The following STK32B variants were observed in gnomAD, a reference collection of about 807,000 sequenced individuals.
STK32B encodes serine/threonine-protein kinase 32B.
Under a neutral mutation model 52.6 loss-of-function variants are expected in STK32B, and 43 were observed. The observed-to-expected ratio is 0.82, with a 90% CI of 0.64 to 1.05. The LOEUF (loss-of-function observed/expected upper bound fraction) is 1.05, where lower values mean the gene tolerates loss of function less well. Among genes scored for constraint, STK32B ranks in the 50% least tolerant of loss-of-function variants. The pLI is 0.00. For synonymous variants in STK32B, 238 were observed against 204.3 expected, an observed-to-expected ratio of 1.17 and a Z score of -1.41; for missense variants, 621 against 534.6, an observed-to-expected ratio of 1.16 and a Z score of -1.59.
intron 3 of STK32B, among the ~76,000 whole-genome samples, chr4:5,319,468 C>T (rs1364928697): frequency 6.6e-6 from 1 of 152,172 alleles, no homozygotes; most frequent in Non-Finnish European, 1.5e-5. Flanking sequence ...TCCTCAGTGG[C>T]TTCCCCTTGT....
chr4:5,208,524 G>A (rs557274669), intron 3 of STK32B, among the ~76,000 whole-genome samples: 2 of 152,122 alleles, frequency 1.3e-5, no homozygotes, highest in African/African-American at 4.8e-5. Context: ...CAATTTCAGG[G>A]CAGAAAACTT....
At chr4:5,495,368 T>C (rs977419399) in intron 11 of STK32B, among the ~76,000 whole-genome samples, 1 of 152,198 alleles carries the variant, frequency 6.6e-6, no homozygotes, top group African/African-American at 2.4e-5. Flanking sequence ...TTGATCTCAT[T>C]GGCTCCTGAG....
At chr4:5,303,050 A>G (rs1275968889) in intron 3 of STK32B, among the ~76,000 whole-genome samples, 1 of 151,652 alleles carries the variant, frequency 6.6e-6, no homozygotes, top group Non-Finnish European at 1.5e-5. Context: ...ATATGTATGT[A>G]TGTATATCAC....
At chr4:5,253,142 C>T (rs1308784098) in intron 3 of STK32B, among the ~76,000 whole-genome samples, 1 of 152,032 alleles carries the variant, frequency 6.6e-6, no homozygotes, top group Non-Finnish European at 1.5e-5. Flanking sequence ...CTCTGGGAAG[C>T]CCTCCAGGAG....
chr4:5,259,530 A>G (rs973510930), intron 3 of STK32B, among the ~76,000 whole-genome samples: 5 of 152,212 alleles, frequency 3.3e-5, no homozygotes, highest in Non-Finnish European at 7.3e-5. Context: ...CTCTTTATAA[A>G]GCAGAGAGAA....
the STK32B span, among the ~76,000 whole-genome samples, chr4:5,035,393 C>T: frequency 1.3e-5 from 2 of 152,160 alleles, no homozygotes; most frequent in Non-Finnish European, 2.9e-5. Context: ...ATAGTAATTG[C>T]TCAGTGAGTG....
intron 11 of STK32B, among the ~76,000 whole-genome samples, chr4:5,480,169 TGTGTC>T (rs1163174886): frequency 1.3e-5 from 2 of 152,226 alleles, no homozygotes; most frequent in Non-Finnish European, 2.9e-5. Context: ...AATTAAGTAT[TGTGTC>T]AGACATTATC....
chr4:5,311,021 G>A (rs1730258033), intron 3 of STK32B, among the ~76,000 whole-genome samples: 1 of 152,076 alleles, frequency 6.6e-6, no homozygotes, highest in Non-Finnish European at 1.5e-5. Flanking sequence ...GTAAAACAGT[G>A]GTTACTAATG....
Position 5,261,222 on chromosome 4 carries a change from G to C in STK32B, c.261-69998G>C, listed in dbSNP as rs553370864. 2.6e-5 allele frequency among the ~76,000 whole-genome samples: 4 copies of C among 152,236 alleles called. No homozygotes were observed. In the East Asian group the frequency reaches 7.7e-4, roughly 29 times the overall value. On this transcript the variant is annotated intron_variant, in intron 3 of 11. Transcript: ENST00000282908. ...GAAGGTGGCTGCTCATTAAGGCTTC[G>C]TGCACCAATTATGAGGCTTGCAACT...
rs1252268289 is a variant in STK32B, at chr4:5,445,951, G to A, written c.563-722G>A. 2.8e-3 allele frequency among the ~76,000 whole-genome samples: 3 copies of A among 1,058 alleles called. No individual in the cohort carries two copies. In the East Asian group the frequency reaches 0.5, roughly 176 times the overall value. 0.7% of individuals were successfully genotyped at this position (1,058 alleles called of 152,430 possible). A position where few individuals can be genotyped will look rare whatever the true frequency, so the allele number is the denominator to read the frequency against. On this transcript the variant is annotated intron_variant, in intron 6 of 11. Transcript: ENST00000282908. ...ATAGTTGTCCCTGAGATAGGCCCCA[G>A]GCACAGAGCTCTAAGTGTCCATTTC... is the stretch of plus-strand genomic sequence containing the variant.
chr4:5,077,990 G>A (rs1712182528), intron 1 of STK32B, among the ~76,000 whole-genome samples: 1 of 152,140 alleles, frequency 6.6e-6, no homozygotes, highest in Admixed American at 6.6e-5. Flanking sequence ...GGTTCTTTCT[G>A]TCCTGCTGCA....
intron 1 of STK32B, among the ~76,000 whole-genome samples, chr4:5,134,505 G>T (rs1715956187): frequency 1.3e-5 from 2 of 152,076 alleles, no homozygotes; most frequent in African/African-American, 4.8e-5. Context: ...TTAGCCTCCA[G>T]AACTGTGAAA....
At chr4:5,357,018 T>TACAC (rs754199241) in intron 4 of STK32B, among the ~76,000 whole-genome samples, 58 of 150,490 alleles carry the variant, frequency 3.9e-4, no homozygotes, top group East Asian at 1.8e-3. Flanking sequence ...TATATATATA[T>TACAC]ATATACACAC....
intron 11 of STK32B, among the ~76,000 whole-genome samples, chr4:5,490,854 G>A (rs1295759242): frequency 6.6e-6 from 1 of 152,152 alleles, no homozygotes; most frequent in Non-Finnish European, 1.5e-5. Flanking sequence ...ATAGTTTACT[G>A]AGAATGATGA....
chr4:5,184,183 T>G (rs1241060794), intron 3 of STK32B, among the ~76,000 whole-genome samples: 1 of 152,158 alleles, frequency 6.6e-6, no homozygotes, highest in Non-Finnish European at 1.5e-5. Flanking sequence ...GGCTTTTGAT[T>G]TAAATTGAGA....
In STK32B at chr4:5,460,711, G is replaced by T. The variant is rs1169553815; in HGVS notation, c.909+483G>T. Reference sequence around the variant, plus strand: ...TAAAGTGAGGGAACCAGGACTGCAGGGATGGGCACTGAGCCTTCCAGGCAA... The same window carrying T: ...TAAAGTGAGGGAACCAGGACTGCAGTGATGGGCACTGAGCCTTCCAGGCAA... On this transcript the variant is annotated intron_variant, in intron 9 of 11. Coordinates refer to ENST00000282908, the MANE Select transcript of STK32B (RefSeq NM_018401.3). The surrounding 1 kb of genome is among the most constrained non-coding windows in gnomAD (Gnocchi z 4.8). Among the ~76,000 whole-genome samples, 4 of 152,204 alleles carry T rather than the reference G, an allele frequency of 2.6e-5. No individual in the cohort carries two copies. Among genetic ancestry groups the T allele is most frequent in the Non-Finnish European group, 4.4e-5 (3 of 68,046 alleles).
rs1414963489 is a variant in STK32B at position 5,469,443 on chromosome 4, C to T, written c.1106+1373C>T. Among the ~76,000 whole-genome samples the T allele has an allele frequency of 5.3e-5, 8 of 152,084 alleles. No individual in the cohort carries two copies. The East Asian group carries it at 7.7e-4, about 15-fold the overall frequency. Reference sequence around the variant, plus strand: ...CCTAAGGGACATGTAGGGGAAAACGCGGCATTCCAGGAGTAGGAAAAGTGC... The same window carrying T: ...CCTAAGGGACATGTAGGGGAAAACGTGGCATTCCAGGAGTAGGAAAAGTGC... On this transcript the variant is annotated intron_variant, in intron 11 of 11. Transcript: ENST00000282908. This position sits in a 1 kb window ranked among gnomAD's most constrained non-coding sequence, Gnocchi z 4.7.
intron 5 of STK32B, among the ~76,000 whole-genome samples, chr4:5,406,935 C>G (rs1399682055): frequency 6.6e-6 from 1 of 152,160 alleles, no homozygotes; most frequent in African/African-American, 2.4e-5. Flanking sequence ...TAAACCCTCC[C>G]AAGAAAATGG....
chr4:5,247,391 C>T (rs1725535473), intron 3 of STK32B, among the ~76,000 whole-genome samples: 1 of 152,228 alleles, frequency 6.6e-6, no homozygotes, highest in Non-Finnish European at 1.5e-5. Context: ...GATATAATCT[C>T]CTGGTGTACC....
Sources: gnomAD v4.1 joint callset for allele counts (sites outside exome capture counted in the v4.1 genomes callset) on GRCh38, gnomAD v4.1.1 for gene constraint, Gnocchi (gnomAD v3.1) non-coding constraint, MANE v1.5 for transcripts, NCBI Gene and HGNC (gene_info 2026-07-23, HGNC 2026-07-21) for gene names.